Variants in CYFIP1 observed in about 807,000 individuals in gnomAD.
The protein encoded by CYFIP1 is cytoplasmic FMR1-interacting protein 1.
CYFIP1 carries 58 observed loss-of-function variants against 163.5 expected under a neutral mutation model. The observed-to-expected ratio is 0.35, with a 90% CI of 0.29 to 0.44. The LOEUF is 0.44. Among genes scored for constraint, CYFIP1 ranks in the 20% least tolerant of loss-of-function variants. The probability of loss-of-function intolerance (pLI) is 1.00; values close to 1 mark genes in which losing one functional copy is unlikely to be tolerated. For synonymous variants in CYFIP1, 663 were observed against 660.7 expected (o/e 1.00, Z -0.05); for missense variants, 1,338 against 1,653.8 (o/e 0.81, Z 3.31).
chr15:22,922,848 T>C (rs1212523792), intron 13 of CYFIP1, among the ~76,000 whole-genome samples: 17 of 152,010 alleles, frequency 1.1e-4, no homozygotes, highest in African/African-American at 3.6e-4. Context: ...AAAAATTAGC[T>C]GGGTGTGGTG....
At chr15:22,950,723 G>T (rs1196646105) in intron 1 of CYFIP1, among the ~76,000 whole-genome samples, 1 of 152,216 alleles carries the variant, frequency 6.6e-6, no homozygotes, top group Non-Finnish European at 1.5e-5. Context: ...TGTCCAGCGT[G>T]TCCAAGCTGT....
intron 30 of CYFIP1, among the ~76,000 whole-genome samples, chr15:22,870,913 T>C (rs575930163): frequency 6.6e-6 from 1 of 152,244 alleles, no homozygotes; most frequent in South Asian, 2.1e-4. Flanking sequence ...GAACACGAAT[T>C]AAGAACATAC....
chr15:22,918,034 G>T, intron 14 of CYFIP1, 99 bp from the exon 15 acceptor site: 1 of 1,371,206 alleles, frequency 7.3e-7, no homozygotes, highest in Non-Finnish European at 1.0e-6. Context: ...TCTCAGAACA[G>T]CCCCCATGAA....
intron 1 of CYFIP1, among the ~76,000 whole-genome samples, chr15:22,957,494 G>C (rs2140173644): frequency 6.6e-6 from 1 of 152,178 alleles, no homozygotes; most frequent in East Asian, 1.9e-4. Flanking sequence ...AAATTAGCCA[G>C]GCATGGTGGC....
intron 1 of CYFIP1, among the ~76,000 whole-genome samples, chr15:22,979,372 CA>C (rs2063388337): frequency 6.6e-6 from 1 of 152,178 alleles, no homozygotes; most frequent in Non-Finnish European, 1.5e-5. Context: ...CGGCTCCGAC[CA>C]CGCCTCATTC....
At position 22,917,751 on chromosome 15, in the gene CYFIP1, A is replaced by G; in HGVS notation, c.1674+37T>C. 6.6e-7 allele frequency: 1 copy of G among 1,516,084 alleles called. No homozygotes were observed. The highest frequency in any genetic ancestry group is 1.2e-5 in the South Asian group (1 of 80,638). The allele number at this position is 1,516,084 out of a possible 1,614,324, so 93.9% of individuals were successfully genotyped here. Reference sequence around the variant, plus strand: ...CTCACAGCTCAGGGTGGGTCCCCCCAGGGAGAGGGTGCAGGCGGGGCTCAA... The same window carrying G: ...CTCACAGCTCAGGGTGGGTCCCCCCGGGGAGAGGGTGCAGGCGGGGCTCAA... On this transcript the variant is annotated intron_variant, in intron 15 of 30. Coordinates refer to ENST00000617928, the MANE Select transcript of CYFIP1 (RefSeq NM_014608.6). The surrounding 1 kb of genome is among the most constrained non-coding windows in gnomAD (Gnocchi z 4.2).
At chr15:22,928,056 G>C in intron 11 of CYFIP1, 28 bp from the exon 12 acceptor site, 1 of 1,481,104 alleles carries the variant, frequency 6.8e-7, no homozygotes, top group Non-Finnish European at 8.9e-7. Context: ...GGCCCCGTGA[G>C]AAACCAGCGC....
At position 22,873,554 on chromosome 15, in the gene CYFIP1, CTG is replaced by C. The variant is rs1366370250; in HGVS notation, c.3384_3385del (p.His1128GlnfsTer27). On this transcript the variant is annotated frameshift_variant, in exon 29 of 31. Coordinates refer to ENST00000617928, the MANE Select transcript of CYFIP1 (RefSeq NM_014608.6). LOFTEE classifies it high-confidence loss of function. ...GACAAACTGCATGGCACTCCACAGTCTGTGAAACTCCACACACTCGTCCACAT... is the reference window on the plus strand; with the variant it reads ...GACAAACTGCATGGCACTCCACAGTCTGAAACTCCACACACTCGTCCACAT... The C allele has an allele frequency of 1.2e-6, 2 of 1,614,244 alleles. No individual in the cohort carries two copies. Among genetic ancestry groups the C allele is most frequent in the Non-Finnish European group, 1.7e-6 (2 of 1,180,044 alleles).
In CYFIP1 at chr15:22,903,472, A is replaced by G. The variant is rs116668127; in HGVS notation, c.2588+234T>C. Among the ~76,000 whole-genome samples, 569 of 152,330 alleles carry G rather than the reference A, an allele frequency of 3.7e-3. 2 individuals are homozygous for G. The highest frequency in any genetic ancestry group is 0.013 in the African/African-American group (541 of 41,586). ...ACCATCAGGCAAACAGAAAGCCAGG[A>G]GATGCAGCCCCACGCAAGCCCCACG... On this transcript the variant is annotated intron_variant, in intron 22 of 30. Transcript: ENST00000617928.
At chr15:22,896,862 G>A (rs1160436147) in intron 22 of CYFIP1, among the ~76,000 whole-genome samples, 1 of 152,018 alleles carries the variant, frequency 6.6e-6, no homozygotes, top group Non-Finnish European at 1.5e-5. Flanking sequence ...TCTTGATTGG[G>A]CACTGGGCAT....
rs1480111133 is a variant in CYFIP1 at position 22,875,334 on chromosome 15, T to C, written c.3043-63A>G. 12 of 1,405,626 alleles carry C rather than the reference T, an allele frequency of 8.5e-6. No homozygotes were observed. In the East Asian group the frequency reaches 2.7e-4, roughly 32 times the overall value. 87.1% of individuals were successfully genotyped at this position (1,405,626 alleles called of 1,614,324 possible). A position where few individuals can be genotyped will look rare whatever the true frequency, so the allele number is the denominator to read the frequency against. ...ATCTCGCCAGAGAGCAATCTGGTGC[T>C]GAAAACCAAGAACTTCTTTGCCTTT... On this transcript the variant is annotated intron_variant, in intron 26 of 30. Coordinates refer to ENST00000617928, the MANE Select transcript of CYFIP1 (RefSeq NM_014608.6).
rs186791317 is a variant in CYFIP1, at chr15:22,938,560, G to A, written c.795+632C>T. Among the ~76,000 whole-genome samples the A allele has an allele frequency of 3.4e-4, 52 of 151,808 alleles. No homozygotes were observed. The East Asian group carries it at 7.4e-3, about 21-fold the overall frequency. On this transcript the variant is annotated intron_variant, in intron 8 of 30. Coordinates refer to ENST00000617928, the MANE Select transcript of CYFIP1 (RefSeq NM_014608.6). ...GTCAAGGCTATAGTGAGCTGTGTCC[G>A]CACCATTGCACTGGAGCCTGGGTGA...
At chr15:22,951,377 C>T in intron 1 of CYFIP1, 1 of 1,271,406 alleles carries the variant, frequency 7.9e-7, no homozygotes, top group Non-Finnish European at 1.0e-6. Context: ...TGCAGGGCAG[C>T]CCCGGCCGGG....
chr15:22,935,643 T>C (rs2061688329), intron 9 of CYFIP1, among the ~76,000 whole-genome samples: 1 of 152,066 alleles, frequency 6.6e-6, no homozygotes, highest in South Asian at 2.1e-4. Flanking sequence ...AGGAAGGGAA[T>C]ATACTGGTCA....
chr15:22,946,132 G>A (rs984613021), intron 3 of CYFIP1, among the ~76,000 whole-genome samples: 11 of 151,434 alleles, frequency 7.3e-5, no homozygotes, highest in East Asian at 1.9e-4. Context: ...GTGAGACCTC[G>A]CCTCTACAAA....
intron 25 of CYFIP1, among the ~76,000 whole-genome samples, chr15:22,881,001 T>C (rs1403660722): frequency 1.3e-5 from 2 of 152,192 alleles, no homozygotes; most frequent in African/African-American, 2.4e-5. Flanking sequence ...CTCTACTTTC[T>C]GACAATAAAC....
intron 30 of CYFIP1, among the ~76,000 whole-genome samples, chr15:22,871,060 C>T (rs906253141): frequency 1.3e-5 from 2 of 152,128 alleles, no homozygotes; most frequent in Non-Finnish European, 2.9e-5. Flanking sequence ...GGGACCACAC[C>T]GAAGACTCCC....
intron 23 of CYFIP1, among the ~76,000 whole-genome samples, chr15:22,884,647 T>C (rs1195876260): frequency 1.3e-5 from 2 of 151,832 alleles, no homozygotes; most frequent in Non-Finnish European, 2.9e-5. Context: ...TGGAGGAGGG[T>C]GGCCCTCTTT....
At chr15:22,950,231 A>G (rs774236942) in intron 1 of CYFIP1, among the ~76,000 whole-genome samples, 1 of 152,146 alleles carries the variant, frequency 6.6e-6, no homozygotes, top group Non-Finnish European at 1.5e-5. Context: ...TCCTAACCCA[A>G]CCATATGCCA....
Sources: allele counts gnomAD v4.1 joint callset (sites outside exome capture counted in the v4.1 genomes callset), GRCh38; gene constraint gnomAD v4.1.1; non-coding constraint Gnocchi (gnomAD v3.1); transcripts MANE v1.5; gene names NCBI Gene and HGNC (gene_info 2026-07-23, HGNC 2026-07-21).